The following ZNF597 variants were observed in gnomAD, a reference collection of about 807,000 sequenced individuals.
ZNF597 encodes the protein zinc finger protein 597.
In ZNF597, 5 loss-of-function variants were observed where a neutral mutation model predicts 7.3. The ratio of observed to expected loss-of-function variants is 0.68; its 90% CI spans 0.36 to 1.44. ZNF597 has a LOEUF of 1.44. ZNF597 is among the 40% of genes most tolerant of loss of function. The pLI is 0.04. For synonymous variants in ZNF597, 209 were observed against 185.4 expected (o/e 1.13, Z -1.04); for missense variants, 585 against 517.9 (o/e 1.13, Z -1.26).
Position 3,436,648 on chromosome 16 carries a change from G to A in ZNF597, c.1051C>T (p.Pro351Ser). 2 of 1,610,140 alleles carry A rather than the reference G, an allele frequency of 1.2e-6. No homozygotes were observed. The highest frequency in any genetic ancestry group is 1.7e-6 in the Non-Finnish European group (2 of 1,177,876). Reference sequence around the variant, plus strand: ...TGGGAAATAAGCTCAGAGAAACAAGGAAAGGTCATGTCACAGTCAGGACAC... The same window carrying A: ...TGGGAAATAAGCTCAGAGAAACAAGAAAAGGTCATGTCACAGTCAGGACAC... ...LQCPDCDMTF[P>S]CFSELISHQN... The change falls in exon 4 of 4, where the codon CCT becomes TCT. Residue 351 changes from proline to serine, a missense_variant. By Grantham distance (74) the Pro-to-Ser change is moderately conservative. Transcript: ENST00000301744.
Position 3,436,186 on chromosome 16 carries a change from T to C in ZNF597, c.*238A>G, listed in dbSNP as rs1339283004. 3.9e-6 allele frequency: 2 copies of C among 518,752 alleles called. No homozygotes were observed. Among genetic ancestry groups the C allele is most frequent in the Non-Finnish European group, 6.8e-6 (2 of 295,032 alleles). 32.1% of individuals were successfully genotyped at this position (518,752 alleles called of 1,614,324 possible). A position where few individuals can be genotyped will look rare whatever the true frequency, so the allele number is the denominator to read the frequency against. ...TGTGTATCTTCTTCTGGCTCACAGTTGTACAGTAACTGAGTTCAAATCCTG... is the reference window on the plus strand; with the variant it reads ...TGTGTATCTTCTTCTGGCTCACAGTCGTACAGTAACTGAGTTCAAATCCTG... On this transcript the variant is annotated 3_prime_UTR_variant, in exon 4 of 4. Coordinates refer to ENST00000301744, the MANE Select transcript of ZNF597 (RefSeq NM_152457.3).
Position 3,437,084 on chromosome 16 carries a change from G to T in ZNF597, c.615C>A (p.Ile205=). The T allele has an allele frequency of 6.2e-7, 1 of 1,614,152 alleles. No individual in the cohort carries two copies. The highest frequency in any genetic ancestry group is 8.5e-7 in the Non-Finnish European group (1 of 1,180,024). Residue 205 remains isoleucine, a synonymous_variant, in exon 4 of 4, where the codon ATC becomes ATA. Coordinates refer to ENST00000301744, the MANE Select transcript of ZNF597 (RefSeq NM_152457.3). ...HRANLRTHRR[I]HTGEKPYKCA... ...ACTTATAAGGTTTCTCACCAGTATG[G>T]ATTCTCCTGTGTGTCCTCAGGTTGG...
At position 3,436,412 on chromosome 16, in the gene ZNF597, G is replaced by C; in HGVS notation, c.*12C>G. The C allele has an allele frequency of 6.2e-7, 1 of 1,608,998 alleles. No individual in the cohort carries two copies. The highest frequency in any genetic ancestry group is 8.5e-7 in the Non-Finnish European group (1 of 1,177,128). On this transcript the variant is annotated 3_prime_UTR_variant, in exon 4 of 4. Transcript: ENST00000301744. ...AAAGCCCAATCACTAATAACAATTTGTTATATTTACTTTACGTGGTGTTTT... is the reference window on the plus strand; with the variant it reads ...AAAGCCCAATCACTAATAACAATTTCTTATATTTACTTTACGTGGTGTTTT...
chr16:3,442,831 C>G (rs975408977), intron 2 of ZNF597, among the ~76,000 whole-genome samples: 7 of 152,154 alleles, frequency 4.6e-5, no homozygotes, highest in African/African-American at 1.7e-4. Flanking sequence ...ACTCCAGCGA[C>G]AAGGCCAGAC....
chr16:3,442,755 G>C (rs1231908175), intron 2 of ZNF597, among the ~76,000 whole-genome samples: 1 of 151,562 alleles, frequency 6.6e-6, no homozygotes, highest in Non-Finnish European at 1.5e-5. Flanking sequence ...AGGCTGAGGC[G>C]TAAGGATTCC....
At chr16:3,437,731 A>C (rs1409218546) in intron 3 of ZNF597, among the ~76,000 whole-genome samples, 193 bp from the exon 4 acceptor site, 1 of 99,860 alleles carries the variant, frequency 1.0e-5, no homozygotes, top group Non-Finnish European at 2.2e-5. Flanking sequence ...TTTTGGGTGA[A>C]TATCCAAAGG....
Position 3,437,013 on chromosome 16 carries a change from C to G in ZNF597, c.686G>C (p.Arg229Pro). 1 of 1,614,064 alleles carries G rather than the reference C, an allele frequency of 6.2e-7. No individual in the cohort carries two copies. Among genetic ancestry groups the G allele is most frequent in the South Asian group, 1.1e-5 (1 of 91,072 alleles). Residue 229 changes from arginine (R) to proline (P), a missense_variant, in exon 4 of 4, where the codon CGA becomes CCA. Transcript: ENST00000301744. ...ASFRQHSHLSRHMNSHVKEKP... is the reference protein window; with the variant it reads ...ASFRQHSHLSPHMNSHVKEKP... ...CTCCTTTACGTGGCTATTCATGTGT[C>G]GGGATAGATGAGAGTGCTGGCGAAA...
chr16:3,440,862 C>T lies in ZNF597; in HGVS notation c.105G>A (p.Gln35=). The change falls in exon 3 of 4, where the codon CAG becomes CAA. Residue 35 remains glutamine, a synonymous_variant. Coordinates refer to ENST00000301744, the MANE Select transcript of ZNF597 (RefSeq NM_152457.3). ...QEECVTLHPA[Q]RSLSKDGTKE... ...TTGTACCATCTTTGCTGAGGGACCTCTGGGCAGGGTGCAGAGTCACGCACT... is the reference window on the plus strand; with the variant it reads ...TTGTACCATCTTTGCTGAGGGACCTTTGGGCAGGGTGCAGAGTCACGCACT... 1 of 1,614,104 alleles carries T rather than the reference C, an allele frequency of 6.2e-7. No homozygotes were observed. The highest frequency in any genetic ancestry group is 8.5e-7 in the Non-Finnish European group (1 of 1,179,980).
chr16:3,437,872 A>G (rs554483461), intron 3 of ZNF597, among the ~76,000 whole-genome samples: 24 of 152,216 alleles, frequency 1.6e-4, no homozygotes, highest in Non-Finnish European at 3.5e-4. Flanking sequence ...TCATTTTTGA[A>G]GCTATCTCAA....
intron 3 of ZNF597, 132 bp downstream of exon 3, chr16:3,440,675 A>T: frequency 8.3e-7 from 1 of 1,202,072 alleles, no homozygotes; most frequent in Non-Finnish European, 1.1e-6. Flanking sequence ...TTTTTCTCTC[A>T]CACAATTATC....
At chr16:3,442,535 C>T (rs1451969107) in intron 2 of ZNF597, among the ~76,000 whole-genome samples, 1 of 151,890 alleles carries the variant, frequency 6.6e-6, no homozygotes. Flanking sequence ...ATTAGCAGGG[C>T]GTGGCGGCAG....
At position 3,439,952 on chromosome 16, in the gene ZNF597, A is replaced by C. The variant is rs2034348225; in HGVS notation, c.160+855T>G. ...ACAGAAGACAACATGAACATGATGA[A>C]GAGAGAAGTGGAAGAAACAAAATAT... On this transcript the variant is annotated intron_variant, in intron 3 of 3. Transcript: ENST00000301744. Among the ~76,000 whole-genome samples, 3 of 152,220 alleles carry C rather than the reference A, an allele frequency of 2.0e-5. No homozygotes were observed. In the South Asian group the frequency reaches 6.2e-4, roughly 31 times the overall value.
chr16:3,443,426 G>A lies in ZNF597; in HGVS notation c.-120C>T, dbSNP rs1003090057. The stretch of plus-strand genomic sequence containing the variant: ...GCTGCAGAAAGCGACGCCCGACCGA[G>A]ACGCGACGAAGAACGCCACGGCCAC... On this transcript the variant is annotated 5_prime_UTR_variant, in exon 1 of 4. Coordinates refer to ENST00000301744, the MANE Select transcript of ZNF597 (RefSeq NM_152457.3). 9.5e-6 allele frequency: 5 copies of A among 523,734 alleles called. No individual in the cohort carries two copies. Among genetic ancestry groups the A allele is most frequent in the Non-Finnish European group, 1.3e-5 (4 of 299,852 alleles). The allele number at this position is 523,734 out of a possible 1,614,324, so 32.4% of individuals were successfully genotyped here. A position where few individuals can be genotyped will look rare whatever the true frequency, so the allele number is the denominator to read the frequency against.
At chr16:3,440,394 G>C (rs1172295294) in intron 3 of ZNF597, among the ~76,000 whole-genome samples, 4 of 152,182 alleles carry the variant, frequency 2.6e-5, no homozygotes, top group African/African-American at 9.7e-5. Flanking sequence ...CCAGCACTTT[G>C]GGAGGCCGAG....
rs1402075164 is a variant in ZNF597 at position 3,436,765 on chromosome 16, C to G, written c.934G>C (p.Ala312Pro). 1.2e-6 allele frequency: 2 copies of G among 1,613,612 alleles called. No homozygotes were observed. Among genetic ancestry groups the G allele is most frequent in the Admixed American group, 1.7e-5 (1 of 60,018 alleles). The change falls in exon 4 of 4, where the codon GCC (alanine) becomes CCC (proline). Residue 312 changes from alanine (A) to proline (P), a missense_variant. Physicochemically the swap from Ala to Pro is conservative, Grantham distance 27. Coordinates refer to ENST00000301744, the MANE Select transcript of ZNF597 (RefSeq NM_152457.3). ...TCGTCGTGGCTCTTCTCGGAAAGGG[C>G]AGGATATAAGGACTGCCTGAAGCTC... ...MKSFRQSLYP[A>P]LSEKSHDEDS...
At chr16:3,439,507 C>G (rs1200664611) in intron 3 of ZNF597, among the ~76,000 whole-genome samples, 2 of 152,122 alleles carry the variant, frequency 1.3e-5, no homozygotes, top group African/African-American at 4.8e-5. Flanking sequence ...CATGTTGCCT[C>G]CAGCCAAAGT....
At position 3,435,851 on chromosome 16, in the gene ZNF597, G is replaced by C. The variant is rs2034295294; in HGVS notation, c.*573C>G. On this transcript the variant is annotated 3_prime_UTR_variant, in exon 4 of 4. Coordinates refer to ENST00000301744, the MANE Select transcript of ZNF597 (RefSeq NM_152457.3). ...ATCAGAACCATGACAGAGAACTCCG[G>C]ATACTAATGGCCATCAAAATATAAA... 6.6e-6 allele frequency: 1 copy of C among 152,550 alleles called. No individual in the cohort carries two copies. 9.4% of individuals were successfully genotyped at this position (152,550 alleles called of 1,614,324 possible).
chr16:3,437,212 G>C lies in ZNF597; in HGVS notation c.487C>G (p.Gln163Glu), dbSNP rs370298633. Residue 163 changes from glutamine (Q) to glutamate (E), a missense_variant, in exon 4 of 4, where the codon CAA becomes GAA. Physicochemically the swap from Gln to Glu is conservative, Grantham distance 29. Transcript: ENST00000301744. ...AGGTATGAATGATCGCTGAAGTTTT[G>C]GTCACACTCAGGACATTTGTACACA... is the stretch of plus-strand genomic sequence containing the variant. ...KNVYKCPECD[Q>E]NFSDHSYLVL... 1.9e-5 allele frequency: 31 copies of C among 1,613,964 alleles called. No homozygotes were observed. In the African/African-American group the frequency reaches 4.1e-4, roughly 22 times the overall value.
intron 2 of ZNF597, among the ~76,000 whole-genome samples, chr16:3,441,304 T>C (rs2034366566): frequency 6.6e-6 from 1 of 152,150 alleles, no homozygotes; most frequent in East Asian, 1.9e-4. Context: ...TCCCAACACT[T>C]TGGGAGTCTG....
Sources: gnomAD v4.1 joint callset for allele counts (sites outside exome capture counted in the v4.1 genomes callset) on GRCh38, gnomAD v4.1.1 for gene constraint, MANE v1.5 for transcripts, NCBI Gene and HGNC (gene_info 2026-07-23, HGNC 2026-07-21) for gene names.